ATXN1: variants seen among roughly 807,000 people sequenced by gnomAD.
The protein encoded by ATXN1 is ataxin 1.
Under a neutral mutation model 56.4 loss-of-function variants are expected in ATXN1, and 8 were observed. The ratio of observed to expected loss-of-function variants is 0.14; its 90% CI spans 0.08 to 0.26. ATXN1 has a LOEUF of 0.26. Ranked by LOEUF, ATXN1 falls within the 10% of genes least tolerant of loss-of-function variation. The probability of loss-of-function intolerance (pLI) is 1.00; values close to 1 mark genes in which losing one functional copy is unlikely to be tolerated. For missense variants in ATXN1, 987 were observed against 1,106.5 expected, an observed-to-expected ratio of 0.89 and a Z score of 1.53; for synonymous variants, 514 against 494.6, an observed-to-expected ratio of 1.04 and a Z score of -0.52.
chr6:16,337,449 G>A (rs1298029543), intron 6 of ATXN1, among the ~76,000 whole-genome samples: 1 of 152,214 alleles, frequency 6.6e-6, no homozygotes, highest in Non-Finnish European at 1.5e-5. Context: ...TGGAAAACGC[G>A]CTGCAGTGGC....
At position 16,518,599 on chromosome 6, in the gene ATXN1, C is replaced by T. The variant is rs533071692; in HGVS notation, c.-299+4028G>A. ...TTCTCAGTGGGCTCAGAACTTGGGA[C>T]GGGAAGAGAACTCTTGTAAGATAAA... On this transcript the variant is annotated intron_variant, in intron 5 of 7. Coordinates refer to ENST00000436367, the MANE Select transcript of ATXN1 (RefSeq NM_001128164.2). Among the ~76,000 whole-genome samples the T allele has an allele frequency of 3.3e-5, 5 of 152,226 alleles. No homozygotes were observed. The East Asian group carries it at 7.7e-4, about 24-fold the overall frequency.
At chr6:16,508,187 A>G (rs1181733257) in intron 5 of ATXN1, among the ~76,000 whole-genome samples, 1 of 152,204 alleles carries the variant, frequency 6.6e-6, no homozygotes, top group African/African-American at 2.4e-5. Flanking sequence ...GAACGTCAAG[A>G]TGATGTGCTT....
intron 4 of ATXN1, among the ~76,000 whole-genome samples, chr6:16,583,747 A>T (rs1762569094): frequency 6.6e-6 from 1 of 152,206 alleles, no homozygotes; most frequent in Non-Finnish European, 1.5e-5. Context: ...TGGGTCTCTG[A>T]CTTGAAAACT....
rs1349401603 is a variant in ATXN1 at position 16,760,803 on chromosome 6, C to T, written c.-730+495G>A. Among the ~76,000 whole-genome samples, 1 of 151,166 alleles carries T rather than the reference C, an allele frequency of 6.6e-6. No individual in the cohort carries two copies. Among genetic ancestry groups the T allele is most frequent in the Non-Finnish European group, 1.5e-5 (1 of 67,630 alleles). Reference sequence around the variant, plus strand: ...AAGAGGGCGGCCGGGAAAGGGACCACCCCCCAACCCCAGCCGCCGCCTCCC... The same window carrying T: ...AAGAGGGCGGCCGGGAAAGGGACCATCCCCCAACCCCAGCCGCCGCCTCCC... On this transcript the variant is annotated intron_variant, in intron 1 of 7. Coordinates refer to ENST00000436367, the MANE Select transcript of ATXN1 (RefSeq NM_001128164.2). This position sits in a 1 kb window ranked among gnomAD's most constrained non-coding sequence, Gnocchi z 5.3.
At chr6:16,753,386 A>G (rs1032949522) in intron 1 of ATXN1, 39 bp from the exon 2 acceptor site, 7 of 456,194 alleles carry the variant, frequency 1.5e-5, no homozygotes, top group Non-Finnish European at 3.1e-5. Flanking sequence ...GAAATCCAAA[A>G]TGAAAAACAG....
Position 16,326,649 on chromosome 6 carries a change from C to A in ATXN1, c.1662G>T (p.Leu554=), listed in dbSNP as rs1185706355. The A allele has an allele frequency of 6.2e-7, 1 of 1,613,728 alleles. No homozygotes were observed. The highest frequency in any genetic ancestry group is 1.1e-5 in the South Asian group (1 of 91,088). Reference sequence around the variant, plus strand: ...GGGAGGCCACGGACTGCACCACAGGCAGGTGGATCTGGGCCTGCACCATGG... The same window carrying A: ...GGGAGGCCACGGACTGCACCACAGGAAGGTGGATCTGGGCCTGCACCATGG... The part of the protein sequence containing the change: ...YPAMVQAQIH[L]PVVQSVASPA... Residue 554 remains leucine (L), a synonymous_variant, in exon 7 of 8, where the codon CTG becomes CTT. Coordinates refer to ENST00000436367, the MANE Select transcript of ATXN1 (RefSeq NM_001128164.2). This position sits in a 1 kb window ranked among gnomAD's most constrained non-coding sequence, Gnocchi z 6.6.
Position 16,301,153 on chromosome 6 carries a change from A to G in ATXN1, c.*5176T>C, listed in dbSNP as rs1006689669. 1.3e-5 allele frequency: 2 copies of G among 152,254 alleles called. No individual in the cohort carries two copies. Among genetic ancestry groups the G allele is most frequent in the African/African-American group, 4.8e-5 (2 of 41,270 alleles). 9.4% of individuals were successfully genotyped at this position (152,254 alleles called of 1,614,324 possible). A position where few individuals can be genotyped will look rare whatever the true frequency, so the allele number is the denominator to read the frequency against. ...CAGAGCCATATCTTTCAAACACTGA[A>G]TGAATCATTTCGACATTCATTTTTC... On this transcript the variant is annotated 3_prime_UTR_variant, in exon 8 of 8. Transcript: ENST00000436367.
In ATXN1 at chr6:16,305,537, C is replaced by G. The variant is rs1198630704; in HGVS notation, c.*792G>C. The G allele has an allele frequency of 6.6e-6, 1 of 152,178 alleles. No individual in the cohort carries two copies. Among genetic ancestry groups the G allele is most frequent in the East Asian group, 1.9e-4 (1 of 5,164 alleles). The allele number at this position is 152,178 out of a possible 1,614,324, so 9.4% of individuals were successfully genotyped here. A position where few individuals can be genotyped will look rare whatever the true frequency, so the allele number is the denominator to read the frequency against. On this transcript the variant is annotated 3_prime_UTR_variant, in exon 8 of 8. Transcript: ENST00000436367. ...CCCCTTACCCCATGTGGGGCCATGACAGCAGGGGCTTCCCTGTCCACCACA... is the reference window on the plus strand; with the variant it reads ...CCCCTTACCCCATGTGGGGCCATGAGAGCAGGGGCTTCCCTGTCCACCACA...
At chr6:16,347,199 C>T (rs1160358008) in intron 6 of ATXN1, among the ~76,000 whole-genome samples, 1 of 152,228 alleles carries the variant, frequency 6.6e-6, no homozygotes, top group East Asian at 1.9e-4. Context: ...CCAGTCCCAT[C>T]GACCACCCAA....
At chr6:16,513,674 A>G (rs776106577) in intron 5 of ATXN1, among the ~76,000 whole-genome samples, 11 of 152,132 alleles carry the variant, frequency 7.2e-5, no homozygotes, top group South Asian at 4.1e-4. Flanking sequence ...GTGGGGTCCT[A>G]TGCCTTGCTG....
chr6:16,479,469 G>C (rs978662031), intron 6 of ATXN1, among the ~76,000 whole-genome samples: 4 of 152,162 alleles, frequency 2.6e-5, no homozygotes, highest in Admixed American at 2.0e-4. Context: ...ATTTAAGTTG[G>C]AGACATGGTT....
intron 4 of ATXN1, among the ~76,000 whole-genome samples, chr6:16,546,757 G>A (rs1761822038): frequency 6.6e-6 from 1 of 152,200 alleles, no homozygotes; most frequent in Admixed American, 6.5e-5. Context: ...ATAAAGCTTA[G>A]ACTATGAGAT....
chr6:16,326,448 G>A lies in ATXN1; in HGVS notation c.1863C>T (p.Ser621=), dbSNP rs1461941315. The change falls in exon 7 of 8, where the codon AGC becomes AGT. Residue 621 remains serine (S), a synonymous_variant. Coordinates refer to ENST00000436367, the MANE Select transcript of ATXN1 (RefSeq NM_001128164.2). This position sits in a 1 kb window ranked among gnomAD's most constrained non-coding sequence, Gnocchi z 6.6. ...GTATCACGGCCACGCCCGGGCTATG[G>A]CTGTCTTCAATCCTCTCTACGGTGC... The part of the protein sequence containing the change: ...DSSTVERIED[S]HSPGVAVIQF... 3.1e-6 allele frequency: 5 copies of A among 1,614,126 alleles called. No individual in the cohort carries two copies. In the South Asian group the frequency reaches 4.4e-5, roughly 14 times the overall value.
Position 16,346,811 on chromosome 6 carries a change from G to A in ATXN1, c.-160-18341C>T, listed in dbSNP as rs180709683. 1.7e-3 allele frequency among the ~76,000 whole-genome samples: 252 copies of A among 152,318 alleles called. 1 individual carries two copies. The highest frequency in any genetic ancestry group is 5.5e-3 in the African/African-American group (229 of 41,572). ...TTGAGGAGCCCTTCACCCCGCCGCT[G>A]CACTGTGGGACCTCTTTCTGGGCTG... On this transcript the variant is annotated intron_variant, in intron 6 of 7. Transcript: ENST00000436367.
intron 1 of ATXN1, among the ~76,000 whole-genome samples, chr6:16,758,558 A>G (rs534381702): frequency 6.6e-6 from 1 of 152,360 alleles, no homozygotes; most frequent in South Asian, 2.1e-4. Context: ...AAGAAGATGC[A>G]ATTGAAATAG....
At chr6:16,313,482 G>A (rs1411018295) in intron 7 of ATXN1, among the ~76,000 whole-genome samples, 7 of 152,034 alleles carry the variant, frequency 4.6e-5, no homozygotes, top group South Asian at 2.1e-4. Flanking sequence ...ACAGCCTGCC[G>A]AAAAATTCAC....
chr6:16,383,245 G>T (rs1227957572), intron 6 of ATXN1, among the ~76,000 whole-genome samples: 6 of 152,128 alleles, frequency 3.9e-5, no homozygotes, highest in African/African-American at 1.4e-4. Context: ...TTTATGACTT[G>T]CTATATTTTT....
At chr6:16,663,334 A>G (rs77067927) in intron 2 of ATXN1, among the ~76,000 whole-genome samples, 5,559 of 152,250 alleles carry the variant, frequency 0.037, 243 homozygotes, top group African/African-American at 0.1. Context: ...TAAGGATTCA[A>G]ACTGTACGAA....
At chr6:16,584,243 TACACACAC>T (rs368108414) in intron 4 of ATXN1, among the ~76,000 whole-genome samples, 16 of 118,504 alleles carry the variant, frequency 1.4e-4, no homozygotes, top group African/African-American at 4.3e-4. Context: ...TATATATATA[TACACACAC>T]ACACACACAC....
Sources: gnomAD v4.1 joint callset for allele counts (sites outside exome capture counted in the v4.1 genomes callset) on GRCh38, gnomAD v4.1.1 for gene constraint, Gnocchi (gnomAD v3.1) non-coding constraint, MANE v1.5 for transcripts, NCBI Gene and HGNC (gene_info 2026-07-23, HGNC 2026-07-21) for gene names.